GPSM1: variants seen among roughly 807,000 people sequenced by gnomAD.
GPSM1 encodes the protein G protein-signaling modulator 1.
GPSM1 carries 48 observed loss-of-function variants against 70.5 expected under a neutral mutation model. The observed-to-expected ratio is 0.68, with a 90% confidence interval of 0.54 to 0.87. The LOEUF (loss-of-function observed/expected upper bound fraction) is 0.87. GPSM1 is among the 40% of genes least tolerant of loss of function. GPSM1 has a pLI of 0.00. For missense variants in GPSM1, 981 were observed against 972.6 expected (o/e 1.01, Z -0.11); for synonymous variants, 416 against 430.1 (o/e 0.97, Z 0.41).
chr9:136,336,185 C>T (rs1832230774), intron 3 of GPSM1, 84 bp downstream of exon 3: 3 of 1,444,944 alleles, frequency 2.1e-6, no homozygotes, highest in African/African-American at 2.8e-5. Context: ...GCGGGTGACT[C>T]ACCACTCATC....
At chr9:136,332,376 G>T (rs1392741976) in intron 1 of GPSM1, among the ~76,000 whole-genome samples, 2 of 152,232 alleles carry the variant, frequency 1.3e-5, no homozygotes, top group Non-Finnish European at 2.9e-5. Flanking sequence ...CCCTTCCCAG[G>T]CCAGAAGCCT....
At chr9:136,348,625 A>G in intron 9 of GPSM1, 72 bp from the exon 10 acceptor site, 1 of 1,183,494 alleles carries the variant, frequency 8.4e-7, no homozygotes, top group East Asian at 2.5e-5. Context: ...GGCCCCCCAG[A>G]GACTCTGGCC....
At position 136,341,788 on chromosome 9, in the gene GPSM1, G is replaced by C; in HGVS notation, c.1207+795G>C. Reference sequence around the variant, plus strand: ...GGCTTGGATGTGGTGCTGGGCTGCCGGAGTTTCTTTTTCTTATCTTATTTT... The same window carrying C: ...GGCTTGGATGTGGTGCTGGGCTGCCCGAGTTTCTTTTTCTTATCTTATTTT... On this transcript the variant is annotated intron_variant, in intron 9 of 13. Coordinates refer to ENST00000440944, the MANE Select transcript of GPSM1 (RefSeq NM_001145638.3). This position sits in a 1 kb window ranked among gnomAD's most constrained non-coding sequence, Gnocchi z 6.7. 1.0e-6 allele frequency: 1 copy of C among 984,676 alleles called. No homozygotes were observed. The highest frequency in any genetic ancestry group is 1.2e-6 in the Non-Finnish European group (1 of 829,344). 61.0% of individuals were successfully genotyped at this position (984,676 alleles called of 1,614,324 possible).
intron 7 of GPSM1, among the ~76,000 whole-genome samples, 174 bp from the exon 8 acceptor site, chr9:136,339,533 G>C (rs1832334215): frequency 6.6e-6 from 1 of 152,262 alleles, no homozygotes; most frequent in Non-Finnish European, 1.5e-5. Flanking sequence ...AGAATTTGTG[G>C]GAGGTCCAGC....
In GPSM1 at chr9:136,355,809, C is replaced by A. The variant is rs368172740; in HGVS notation, c.1575C>A (p.Ala525=). ...CPLDDGQAGA[A]EATAAPTLED... ...TGGACGATGGCCAGGCCGGGGCTGC[C>A]GAGGCCACGGCCGCCCCCACCCTGG... The change falls in exon 12 of 14, where the codon GCC becomes GCA. Residue 525 remains alanine (A), a synonymous_variant. Coordinates refer to ENST00000440944, the MANE Select transcript of GPSM1 (RefSeq NM_001145638.3). 1 of 1,611,372 alleles carries A rather than the reference C, an allele frequency of 6.2e-7. No homozygotes were observed. The highest frequency in any genetic ancestry group is 2.2e-5 in the East Asian group (1 of 44,864).
intron 6 of GPSM1, among the ~76,000 whole-genome samples, 175 bp downstream of exon 6, chr9:136,338,136 G>A (rs1832294482): frequency 6.6e-6 from 1 of 152,216 alleles, no homozygotes; most frequent in Non-Finnish European, 1.5e-5. Flanking sequence ...TCATGGGGAG[G>A]CAGGCGGTGG....
intron 1 of GPSM1, among the ~76,000 whole-genome samples, chr9:136,329,801 G>A (rs1410164510): frequency 6.6e-6 from 1 of 151,870 alleles, no homozygotes; most frequent in African/African-American, 2.4e-5. Flanking sequence ...CTGGGTCGGT[G>A]GGGACGGGCC....
At chr9:136,335,907 C>G in intron 2 of GPSM1, 59 bp from the exon 3 acceptor site, 2 of 1,568,480 alleles carry the variant, frequency 1.3e-6, no homozygotes, top group African/African-American at 1.3e-5. Flanking sequence ...CAGCCTCCCC[C>G]CGGGCCCAGA....
chr9:136,349,460 T>C, intron 10 of GPSM1, 127 bp from the exon 11 acceptor site: 1 of 833,140 alleles, frequency 1.2e-6, no homozygotes, highest in Non-Finnish European at 1.9e-6. Context: ...TCTCCTCCTC[T>C]CTGGGTACTG....
chr9:136,357,607 G>C (rs1832867601), intron 13 of GPSM1, among the ~76,000 whole-genome samples: 2 of 152,240 alleles, frequency 1.3e-5, no homozygotes, highest in Non-Finnish European at 2.9e-5. Flanking sequence ...GCCTGCCAGG[G>C]TCAGTCCCAG....
chr9:136,349,802 G>C, intron 11 of GPSM1, 39 bp downstream of exon 11: 1 of 1,517,294 alleles, frequency 6.6e-7, no homozygotes, highest in East Asian at 2.4e-5. Flanking sequence ...CGAGAGGGAG[G>C]AGAGCTTGGC....
In GPSM1 at chr9:136,347,154, G is replaced by A. The variant is rs190671891; in HGVS notation, c.1208-1543G>A. On this transcript the variant is annotated intron_variant, in intron 9 of 13. Coordinates refer to ENST00000440944, the MANE Select transcript of GPSM1 (RefSeq NM_001145638.3). Reference sequence around the variant, plus strand: ...CTGAGCCTCTCGGGGGGATGAGTGCGGAGGGGAACTGCCCGGCCCGGCCCA... The same window carrying A: ...CTGAGCCTCTCGGGGGGATGAGTGCAGAGGGGAACTGCCCGGCCCGGCCCA... Among the ~76,000 whole-genome samples, 33 of 152,248 alleles carry A rather than the reference G, an allele frequency of 2.2e-4. No homozygotes were observed. The East Asian group carries it at 4.2e-3, about 20-fold the overall frequency.
chr9:136,330,181 T>C (rs1389920890), intron 1 of GPSM1, among the ~76,000 whole-genome samples: 2 of 152,044 alleles, frequency 1.3e-5, no homozygotes, highest in African/African-American at 2.4e-5. Context: ...CCCACCTGCT[T>C]TAAGGCCAGC....
chr9:136,346,372 C>A (rs1274535361), intron 9 of GPSM1, among the ~76,000 whole-genome samples: 1 of 152,224 alleles, frequency 6.6e-6, no homozygotes, highest in Non-Finnish European at 1.5e-5. Context: ...CCCCTTCCCC[C>A]CAGCTGCGTT....
intron 1 of GPSM1, among the ~76,000 whole-genome samples, chr9:136,332,839 CAAAAAA>C (rs150554566): frequency 2.7e-4 from 18 of 66,106 alleles, no homozygotes; most frequent in Admixed American, 5.7e-4. Context: ...CCATCTCTAC[CAAAAAA>C]AAAAAAAAAA....
intron 11 of GPSM1, among the ~76,000 whole-genome samples, chr9:136,351,441 G>A (rs1237075172): frequency 9.2e-5 from 14 of 152,354 alleles, no homozygotes; most frequent in African/African-American, 3.4e-4. Flanking sequence ...AGCTGGCTCT[G>A]CCCATCACAT....
intron 1 of GPSM1, 37 bp from the exon 2 acceptor site, chr9:136,334,410 C>T (rs782071563): frequency 8.4e-6 from 13 of 1,553,112 alleles, no homozygotes; most frequent in Admixed American, 6.8e-5. Context: ...GGCGACTTTG[C>T]CAGGGCTGGG....
chr9:136,335,868 C>A, intron 2 of GPSM1, 98 bp from the exon 3 acceptor site: 1 of 1,261,590 alleles, frequency 7.9e-7, no homozygotes, highest in Non-Finnish European at 1.1e-6. Flanking sequence ...CATGCTGGTC[C>A]CTGAGGCCCA....
intron 11 of GPSM1, among the ~76,000 whole-genome samples, chr9:136,352,618 G>C (rs1283464365): frequency 6.6e-6 from 1 of 152,252 alleles, no homozygotes; most frequent in Admixed American, 6.5e-5. Context: ...GCCACCGAGG[G>C]CTGTGGGACA....
Sources: gnomAD v4.1 joint callset for allele counts (sites outside exome capture counted in the v4.1 genomes callset) on GRCh38, gnomAD v4.1.1 for gene constraint, Gnocchi (gnomAD v3.1) non-coding constraint, MANE v1.5 for transcripts, NCBI Gene and HGNC (gene_info 2026-07-23, HGNC 2026-07-21) for gene names.